The following FHIP2A variants were observed in gnomAD, a reference collection of about 807,000 sequenced individuals.
FHIP2A encodes the protein family with sequence similarity 160 member B1.
FHIP2A carries 46 observed loss-of-function variants against 93.5 expected under a neutral mutation model. The ratio of observed to expected loss-of-function variants is 0.49; its 90% CI spans 0.39 to 0.63. The LOEUF (loss-of-function observed/expected upper bound fraction) is 0.63. FHIP2A is among the 20% of genes least tolerant of loss of function. FHIP2A has a pLI of 0.00. For missense variants in FHIP2A, 769 were observed against 909.7 expected, an observed-to-expected ratio of 0.85 and a Z score of 1.99; for synonymous variants, 332 against 326.5, an observed-to-expected ratio of 1.02 and a Z score of -0.18.
At chr10:114,831,454 A>G (rs946092342) in intron 2 of FHIP2A, among the ~76,000 whole-genome samples, 1 of 152,206 alleles carries the variant, frequency 6.6e-6, no homozygotes, top group African/African-American at 2.4e-5. Flanking sequence ...CTCAGGCCAG[A>G]GCATGTGGCA....
chr10:114,841,711 T>C (rs968147451), intron 5 of FHIP2A, among the ~76,000 whole-genome samples: 2 of 152,218 alleles, frequency 1.3e-5, no homozygotes, highest in African/African-American at 4.8e-5. Flanking sequence ...GTCTAACCTA[T>C]ACTTTTAACA....
Position 114,885,226 on chromosome 10 carries a change from C to G in FHIP2A, c.2193-14264C>G, listed in dbSNP as rs574547258. Among the ~76,000 whole-genome samples the G allele has an allele frequency of 2.6e-5, 4 of 152,048 alleles. No individual in the cohort carries two copies. The South Asian group carries it at 8.3e-4, about 32-fold the overall frequency. On this transcript the variant is annotated intron_variant, in intron 16 of 16. Coordinates refer to the FHIP2A transcript ENST00000369250. ...CCTGACCAACATGGTGAAATCCCGT[C>G]TCTACTAAAAATACAAAAATTAGCT...
chr10:114,866,739 C>T (rs1323116600), downstream of FHIP2A, among the ~76,000 whole-genome samples: 1 of 151,916 alleles, frequency 6.6e-6, no homozygotes, highest in Non-Finnish European at 1.5e-5. Flanking sequence ...GAAACGAGAC[C>T]CAAATGGTGT....
intron 16 of FHIP2A, among the ~76,000 whole-genome samples, chr10:114,879,270 G>C (rs970058705): frequency 3.9e-5 from 6 of 152,088 alleles, no homozygotes; most frequent in Admixed American, 2.0e-4. Flanking sequence ...AGAAAATTGG[G>C]CATCATCTTA....
intron 5 of FHIP2A, 51 bp from the exon 6 acceptor site, chr10:114,842,882 G>T: frequency 8.1e-7 from 1 of 1,230,764 alleles, no homozygotes; most frequent in Non-Finnish European, 1.1e-6. Flanking sequence ...TATTATTTTT[G>T]GCTTAAAAAG....
chr10:114,840,617 T>C (rs1409190210), intron 5 of FHIP2A, among the ~76,000 whole-genome samples: 1 of 152,040 alleles, frequency 6.6e-6, no homozygotes. Context: ...TTGGAAGCAG[T>C]GGGTTGGAAT....
intron 6 of FHIP2A, 24 bp downstream of exon 6, chr10:114,843,250 C>T (rs970196899): frequency 1.3e-6 from 2 of 1,486,004 alleles, no homozygotes; most frequent in Admixed American, 1.8e-5. Context: ...CTTACTTTTT[C>T]CCCCCTAACA....
chr10:114,843,198 A>C lies in FHIP2A; in HGVS notation c.788A>C (p.Asn263Thr), dbSNP rs2083679508. Residue 263 changes from asparagine to threonine, a missense_variant, in exon 6 of 17, where the codon AAT (asparagine) becomes ACT (threonine). Coordinates refer to ENST00000369248, the MANE Select transcript of FHIP2A (RefSeq NM_020940.4). ...CCAAATCAGGATTACAATTTAGTGA[A>C]TTCTTTGTTAAATCTTACTAGAAGT... is the stretch of plus-strand genomic sequence containing the variant. ...VCPNQDYNLV[N>T]SLLNLTRSPD... 2 of 1,613,386 alleles carry C rather than the reference A, an allele frequency of 1.2e-6. No homozygotes were observed. Among genetic ancestry groups the C allele is most frequent in the South Asian group, 1.1e-5 (1 of 90,996 alleles).
chr10:114,861,972 A>G lies in FHIP2A; in HGVS notation c.*432A>G. The stretch of plus-strand genomic sequence containing the variant: ...AATAAGTAGCAAAAAAAAATCACTA[A>G]TTTTATAACTTTTTAAGGTCAGAAT... On this transcript the variant is annotated 3_prime_UTR_variant, in exon 17 of 17. Transcript: ENST00000369248. The G allele has an allele frequency of 1.0e-6, 1 of 983,452 alleles. No homozygotes were observed. The highest frequency in any genetic ancestry group is 5.3e-4 in the Middle Eastern group (1 of 1,902). The allele number at this position is 983,452 out of a possible 1,614,324, so 60.9% of individuals were successfully genotyped here. A position where few individuals can be genotyped will look rare whatever the true frequency, so the allele number is the denominator to read the frequency against.
chr10:114,899,583 C>A, exon 17 of FHIP2A: 2 of 714,502 alleles, frequency 2.8e-6, no homozygotes, highest in Non-Finnish European at 5.2e-6. Context: ...ATGGTTTCCA[C>A]AAAAAATCTT....
chr10:114,879,542 A>G (rs910949187), intron 16 of FHIP2A, among the ~76,000 whole-genome samples: 5 of 152,326 alleles, frequency 3.3e-5, no homozygotes, highest in South Asian at 2.1e-4. Context: ...AGAGCATTTT[A>G]TAGAGTTCCC....
intron 15 of FHIP2A, 63 bp downstream of exon 15, chr10:114,860,952 A>G (rs923888266): frequency 7.6e-6 from 11 of 1,456,842 alleles, no homozygotes; most frequent in Non-Finnish European, 9.6e-6. Flanking sequence ...ATATGTTAAT[A>G]TCATTGTATG....
chr10:114,890,784 C>T (rs1431308555), intron 16 of FHIP2A, among the ~76,000 whole-genome samples: 1 of 148,104 alleles, frequency 6.8e-6, no homozygotes, highest in Admixed American at 6.8e-5. Flanking sequence ...CTGTATATGA[C>T]ATATATTATA....
chr10:114,861,728 T>C lies in FHIP2A; in HGVS notation c.*188T>C, dbSNP rs1159497579. ...GAAATGTTGTATAATGTTGTTTTCA[T>C]TGGCTTTATCATAATGGTTCTATAT... On this transcript the variant is annotated 3_prime_UTR_variant, in exon 17 of 17. Transcript: ENST00000369248. 2.9e-6 allele frequency: 4 copies of C among 1,370,034 alleles called. No individual in the cohort carries two copies. The highest frequency in any genetic ancestry group is 1.9e-6 in the Non-Finnish European group (2 of 1,062,590). 84.9% of individuals were successfully genotyped at this position (1,370,034 alleles called of 1,614,324 possible). A position where few individuals can be genotyped will look rare whatever the true frequency, so the allele number is the denominator to read the frequency against.
chr10:114,898,788 C>T (rs1245148822), intron 16 of FHIP2A, among the ~76,000 whole-genome samples: 1 of 152,116 alleles, frequency 6.6e-6, no homozygotes, highest in South Asian at 2.1e-4. Context: ...CTTAAATAAG[C>T]TAATGCACAG....
At chr10:114,838,062 GTATT>G (rs913429386) in intron 5 of FHIP2A, among the ~76,000 whole-genome samples, 21 of 152,314 alleles carry the variant, frequency 1.4e-4, no homozygotes, top group Non-Finnish European at 2.2e-4. Flanking sequence ...TGGTAAGTGT[GTATT>G]TATTTTCATA....
rs1458532732 is a variant in FHIP2A at position 114,833,341 on chromosome 10, G to A, written c.233G>A (p.Cys78Tyr). The change falls in exon 3 of 17, where the codon TGT (cysteine) becomes TAT (tyrosine). Residue 78 changes from cysteine to tyrosine, a missense_variant. Coordinates refer to ENST00000369248, the MANE Select transcript of FHIP2A (RefSeq NM_020940.4). ...CGGGAATCTGGAGAGACAGGGCCATGTATGGAATATTTGCTTCATCACAAG... is the reference window on the plus strand; with the variant it reads ...CGGGAATCTGGAGAGACAGGGCCATATATGGAATATTTGCTTCATCACAAG... ...NERESGETGP[C>Y]MEYLLHHKIL... 1.4e-5 allele frequency: 23 copies of A among 1,613,928 alleles called. No homozygotes were observed. The highest frequency in any genetic ancestry group is 1.9e-5 in the Non-Finnish European group (22 of 1,179,956).
chr10:114,883,943 C>T (rs1242827848), intron 16 of FHIP2A, among the ~76,000 whole-genome samples: 2 of 152,070 alleles, frequency 1.3e-5, no homozygotes, highest in African/African-American at 4.8e-5. Context: ...AAGGTGTGAC[C>T]AGATAGTAAA....
rs1237628223 is a variant in FHIP2A, at chr10:114,875,868, AG to A, written c.2192+14535del. 2.9e-4 allele frequency among the ~76,000 whole-genome samples: 41 copies of A among 141,324 alleles called. 2 individuals carry two copies. The highest frequency in any genetic ancestry group is 1.2e-3 in the African/African-American group (40 of 33,612). The allele number at this position is 141,324 out of a possible 152,430, so 92.7% of individuals were successfully genotyped here. A position where few individuals can be genotyped will look rare whatever the true frequency, so the allele number is the denominator to read the frequency against. ...GAAAGAAAGAAAAAGAAAGAAAGAA[AG>A]AGAAAGAAAGAAAAGAAAGAGAGAG... On this transcript the variant is annotated intron_variant, in intron 16 of 16. Coordinates refer to the FHIP2A transcript ENST00000369250.
Sources: gnomAD v4.1 joint callset for allele counts (sites outside exome capture counted in the v4.1 genomes callset) on GRCh38, gnomAD v4.1.1 for gene constraint, MANE v1.5 for transcripts, NCBI Gene and HGNC (gene_info 2026-07-23, HGNC 2026-07-21) for gene names.